The following EFHC1 variants were observed in gnomAD, a reference collection of about 807,000 sequenced individuals.
EFHC1 encodes the protein EF-hand domain containing 1.
A neutral mutation model predicts 69.9 loss-of-function variants in EFHC1; 53 were observed. The observed-to-expected ratio is 0.76, with a 90% CI of 0.61 to 0.95. The LOEUF is 0.95. EFHC1 is among the 40% of genes least tolerant of loss of function. The pLI is 0.00. For synonymous variants in EFHC1, 256 were observed against 278.4 expected (o/e 0.92, Z 0.80); for missense variants, 739 against 798.7 (o/e 0.93, Z 0.90).
At chr6:52,444,752 T>C (rs549359172) in intron 3 of EFHC1, among the ~76,000 whole-genome samples, 2 of 152,310 alleles carry the variant, frequency 1.3e-5, no homozygotes, top group Admixed American at 1.3e-4. Context: ...AAAATTCTCT[T>C]TTTTTGTTGT....
At chr6:52,481,012 A>G (rs1316956277) in intron 9 of EFHC1, among the ~76,000 whole-genome samples, 1 of 152,212 alleles carries the variant, frequency 6.6e-6, no homozygotes, top group Non-Finnish European at 1.5e-5. Flanking sequence ...TAAAAGAACT[A>G]TCCTGGCTGT....
intron 7 of EFHC1, among the ~76,000 whole-genome samples, chr6:52,473,243 A>G (rs1765476225): frequency 6.6e-6 from 1 of 152,208 alleles, no homozygotes. Context: ...TGACAAATAC[A>G]GCACTGCAGA....
chr6:52,468,466 AG>A (rs1178772551), intron 6 of EFHC1: 3 of 152,182 alleles, frequency 2.0e-5, no homozygotes, highest in African/African-American at 7.2e-5. Flanking sequence ...AAACAGGTAA[AG>A]TTTGTTAAAA....
At chr6:52,477,252 C>T (rs1054847711) in intron 7 of EFHC1, among the ~76,000 whole-genome samples, 1 of 151,988 alleles carries the variant, frequency 6.6e-6, no homozygotes, top group Non-Finnish European at 1.5e-5. Context: ...ATTTTTATTA[C>T]ATGGGTGTAC....
rs527837969 is a variant in EFHC1, at chr6:52,429,085, G to A, written c.285+4918G>A. The stretch of plus-strand genomic sequence containing the variant: ...TTGTTTGAGTTCATTGTAAATTCTG[G>A]ATATTAATCTTTTGTCAGATGTATA... On this transcript the variant is annotated intron_variant, in intron 2 of 10. Transcript: ENST00000371068. Among the ~76,000 whole-genome samples, 10 of 152,192 alleles carry A rather than the reference G, an allele frequency of 6.6e-5. No homozygotes were observed. In the East Asian group the frequency reaches 1.9e-3, roughly 29 times the overall value.
intron 1 of EFHC1, among the ~76,000 whole-genome samples, chr6:52,422,918 G>A (rs747099306): frequency 6.6e-6 from 1 of 152,060 alleles, no homozygotes; most frequent in African/African-American, 2.4e-5. Context: ...TTTTCACCAG[G>A]TTGCCACGTG....
chr6:52,427,284 T>C (rs1312961903), intron 2 of EFHC1, among the ~76,000 whole-genome samples: 1 of 152,214 alleles, frequency 6.6e-6, no homozygotes, highest in Non-Finnish European at 1.5e-5. Flanking sequence ...CTACTGGAGC[T>C]GGCCCTCCCT....
rs184450288 is a variant in EFHC1, at chr6:52,440,686, T to C, written c.573+2095T>C. Among the ~76,000 whole-genome samples, 318 of 152,246 alleles carry C rather than the reference T, an allele frequency of 2.1e-3. 4 individuals carry two copies. The highest frequency in any genetic ancestry group is 0.01 in the Middle Eastern group (3 of 294). On this transcript the variant is annotated intron_variant, in intron 3 of 10. Coordinates refer to ENST00000371068, the MANE Select transcript of EFHC1 (RefSeq NM_018100.4). ...TTCCTAGGTCAAATGGTAGTTCTGTTTTCAGGTCTTTTAGGAATCACTACA... is the reference window on the plus strand; with the variant it reads ...TTCCTAGGTCAAATGGTAGTTCTGTCTTCAGGTCTTTTAGGAATCACTACA...
chr6:52,476,045 G>T (rs1238599492), intron 7 of EFHC1, among the ~76,000 whole-genome samples: 1 of 152,088 alleles, frequency 6.6e-6, no homozygotes, highest in Non-Finnish European at 1.5e-5. Flanking sequence ...AGAGCTTCAT[G>T]TAAGACCGAG....
At chr6:52,472,336 C>T (rs1765456011) in intron 7 of EFHC1, among the ~76,000 whole-genome samples, 1 of 152,128 alleles carries the variant, frequency 6.6e-6, no homozygotes, top group South Asian at 2.1e-4. Context: ...CCACATTGTT[C>T]TGGAAGTCCT....
chr6:52,454,814 G>A (rs1265495118), intron 5 of EFHC1, among the ~76,000 whole-genome samples: 2 of 152,284 alleles, frequency 1.3e-5, no homozygotes, highest in South Asian at 2.1e-4. Context: ...AGCATGGGCT[G>A]GGCATGATGG....
At chr6:52,477,563 T>C (rs2114021672) in intron 7 of EFHC1, among the ~76,000 whole-genome samples, 1 of 152,172 alleles carries the variant, frequency 6.6e-6, no homozygotes, top group African/African-American at 2.4e-5. Context: ...TACAATGAAC[T>C]CAAACAGATT....
At chr6:52,484,436 A>C (rs1181492123) in intron 9 of EFHC1, 6 of 152,236 alleles carry the variant, frequency 3.9e-5, no homozygotes, top group Non-Finnish European at 7.3e-5. Flanking sequence ...ACAAACAAAA[A>C]AAATTTAGTG....
rs1409136115 is a variant in EFHC1, at chr6:52,446,215, A to C, written c.574-6473A>C. On this transcript the variant is annotated intron_variant, in intron 3 of 10. Coordinates refer to ENST00000371068, the MANE Select transcript of EFHC1 (RefSeq NM_018100.4). The stretch of plus-strand genomic sequence containing the variant: ...AGTCTAAGTCTCTTTGTATGTCACT[A>C]AGGACTTGCTTTATGAATCTGGGTG... Among the ~76,000 whole-genome samples, 6 of 152,176 alleles carry C rather than the reference A, an allele frequency of 3.9e-5. No individual in the cohort carries two copies. In the East Asian group the frequency reaches 5.8e-4, roughly 15 times the overall value.
chr6:52,431,391 T>G lies in EFHC1; in HGVS notation c.286-6913T>G, dbSNP rs936587382. Among the ~76,000 whole-genome samples, 2 of 152,170 alleles carry G rather than the reference T, an allele frequency of 1.3e-5. 1 individual carries two copies. The highest frequency in any genetic ancestry group is 2.9e-5 in the Non-Finnish European group (2 of 68,018). On this transcript the variant is annotated intron_variant, in intron 2 of 10. Coordinates refer to ENST00000371068, the MANE Select transcript of EFHC1 (RefSeq NM_018100.4). ...CTTTGCTGTATCCCAGAGGCTTTGATAGGTTGTGTCATTATTGTCATTCAG... is the reference window on the plus strand; with the variant it reads ...CTTTGCTGTATCCCAGAGGCTTTGAGAGGTTGTGTCATTATTGTCATTCAG...
rs528238933 is a variant in EFHC1 at position 52,423,742 on chromosome 6, G to A, written c.64-204G>A. The A allele has an allele frequency of 9.9e-6, 12 of 1,209,746 alleles. No individual in the cohort carries two copies. In the East Asian group the frequency reaches 3.2e-4, roughly 32 times the overall value. 74.9% of individuals were successfully genotyped at this position (1,209,746 alleles called of 1,614,324 possible). On this transcript the variant is annotated intron_variant, in intron 1 of 10. Transcript: ENST00000371068. Reference sequence around the variant, plus strand: ...GCTGGTCTCGAACTCTGGGGCTGAAGTGATTCTCCCTCTTCAGCCTCCCAG... The same window carrying A: ...GCTGGTCTCGAACTCTGGGGCTGAAATGATTCTCCCTCTTCAGCCTCCCAG...
At position 52,493,990 on chromosome 6, in the gene EFHC1, T is replaced by G. The variant is rs1160677153; in HGVS notation, c.*1649T>G. 2.2e-6 allele frequency: 1 copy of G among 454,096 alleles called. No homozygotes were observed. The highest frequency in any genetic ancestry group is 4.4e-6 in the Non-Finnish European group (1 of 226,802). The allele number at this position is 454,096 out of a possible 1,614,324, so 28.1% of individuals were successfully genotyped here. ...CTTATTGAAAGGGCTGTGAATGTAT[T>G]ATGTTGATTCCTTTTCTGTTCCAGG... On this transcript the variant is annotated 3_prime_UTR_variant, in exon 11 of 11. Coordinates refer to ENST00000371068, the MANE Select transcript of EFHC1 (RefSeq NM_018100.4).
At chr6:52,423,668 T>TC in intron 1 of EFHC1, 1 of 451,176 alleles carries the variant, frequency 2.2e-6, no homozygotes, top group Non-Finnish European at 3.8e-6. Context: ...TTTTTTTTTT[T>TC]TTTTTTTTTT....
intron 2 of EFHC1, among the ~76,000 whole-genome samples, chr6:52,434,992 A>G (rs1189608894): frequency 2.0e-5 from 3 of 152,048 alleles, no homozygotes; most frequent in East Asian, 1.9e-4. Context: ...AGGCATTTTC[A>G]TGCCCACCAA....
Sources: gnomAD v4.1 joint callset for allele counts (sites outside exome capture counted in the v4.1 genomes callset) on GRCh38, gnomAD v4.1.1 for gene constraint, MANE v1.5 for transcripts, NCBI Gene and HGNC (gene_info 2026-07-23, HGNC 2026-07-21) for gene names.